IL16: variants seen among roughly 807,000 people sequenced by gnomAD.
The protein encoded by IL16 is pro-interleukin-16.
Under a neutral mutation model 110.1 loss-of-function variants are expected in IL16, and 67 were observed. That is an observed-to-expected ratio of 0.61 (90% confidence interval 0.50 to 0.75). IL16 has a LOEUF of 0.75. IL16 is among the 30% of genes least tolerant of loss of function. The probability of loss-of-function intolerance (pLI) is 0.00; values close to 1 mark genes in which losing one functional copy is unlikely to be tolerated. For missense variants in IL16, 1,545 were observed against 1,655.0 expected, an observed-to-expected ratio of 0.93 and a Z score of 1.15; for synonymous variants, 689 against 662.9, an observed-to-expected ratio of 1.04 and a Z score of -0.61.
chr15:81,297,734 T>C (rs935560323), intron 13 of IL16, among the ~76,000 whole-genome samples: 1 of 152,156 alleles, frequency 6.6e-6, no homozygotes, highest in Non-Finnish European at 1.5e-5. Context: ...ATATGATGCA[T>C]TCAGCAAGCA....
chr15:81,303,455 T>G lies in IL16; in HGVS notation c.3319-94T>G, dbSNP rs1596056662. The G allele has an allele frequency of 6.2e-5, 52 of 836,764 alleles. No homozygotes were observed. Among genetic ancestry groups the G allele is most frequent in the East Asian group, 7.6e-5 (3 of 39,518 alleles). The allele number at this position is 836,764 out of a possible 1,614,324, so 51.8% of individuals were successfully genotyped here. On this transcript the variant is annotated intron_variant, in intron 15 of 18. Coordinates refer to ENST00000683961, the MANE Select transcript of IL16 (RefSeq NM_172217.5). This position sits in a 1 kb window ranked among gnomAD's most constrained non-coding sequence, Gnocchi z 4.1. ...AACTTGGAGGCTGGCCAAGCTGGGGTTTGAGATAACAAATCAGTCTGATGT... is the reference window on the plus strand; with the variant it reads ...AACTTGGAGGCTGGCCAAGCTGGGGGTTGAGATAACAAATCAGTCTGATGT...
Position 81,265,721 on chromosome 15 carries a change from A to T in IL16, c.484A>T (p.Thr162Ser), listed in dbSNP as rs751791636. The change falls in exon 4 of 19, where the codon ACG becomes TCG. Residue 162 changes from threonine to serine, a missense_variant. Thr to Ser is a moderately conservative substitution (Grantham distance 58). Coordinates refer to ENST00000683961, the MANE Select transcript of IL16 (RefSeq NM_172217.5). ...FPMTKKSAAP[T>S]DRQPYSLCSN... is the part of the protein sequence containing the mutation. ...AATGACCAAGAAATCTGCAGCGCCCACGGACAGGCAGCCTTACTCTCTCTG... is the reference window on the plus strand; with the variant it reads ...AATGACCAAGAAATCTGCAGCGCCCTCGGACAGGCAGCCTTACTCTCTCTG... 6.2e-7 allele frequency: 1 copy of T among 1,613,832 alleles called. No individual in the cohort carries two copies. Among genetic ancestry groups the T allele is most frequent in the Non-Finnish European group, 8.5e-7 (1 of 1,179,816 alleles).
chr15:81,279,068 C>T lies in IL16; in HGVS notation c.864+178C>T, dbSNP rs563078806. 5.9e-5 allele frequency among the ~76,000 whole-genome samples: 9 copies of T among 152,150 alleles called. 1 individual carries two copies. The South Asian group carries it at 1.7e-3, about 28-fold the overall frequency. ...CTGACTCAGAAAATAATAGTGTGAT[C>T]GGGATTGTTGTGGGGGATTTTAAAA... On this transcript the variant is annotated intron_variant, in intron 7 of 18. Coordinates refer to ENST00000683961, the MANE Select transcript of IL16 (RefSeq NM_172217.5).
chr15:81,196,786 T>C (rs958971934), upstream of IL16: 4 of 1,063,358 alleles, frequency 3.8e-6, no homozygotes, highest in Middle Eastern at 4.2e-4. Flanking sequence ...TTCTCAGCAC[T>C]GGCAGCCCCC....
intron 9 of IL16, among the ~76,000 whole-genome samples, chr15:81,284,022 A>AAAAG (rs1555422375): frequency 6.8e-6 from 1 of 146,128 alleles, no homozygotes; most frequent in African/African-American, 2.6e-5. Context: ...AAAAAAAAAA[A>AAAAG]AGAGAGAGAG....
chr15:81,247,070 CTTTTCCT>C (rs1349976372), intron 2 of IL16, among the ~76,000 whole-genome samples: 44 of 107,580 alleles, frequency 4.1e-4, no homozygotes, highest in Non-Finnish European at 6.6e-4. Flanking sequence ...TCTTTCTTTT[CTTTTCCT>C]TTTTTTTTTT....
intron 6 of IL16, among the ~76,000 whole-genome samples, chr15:81,275,745 A>C (rs1160961928): frequency 6.6e-6 from 1 of 152,202 alleles, no homozygotes; most frequent in African/African-American, 2.4e-5. Context: ...TCTAGCCTCA[A>C]ACATTGACCA....
intron 9 of IL16, 130 bp from the exon 10 acceptor site, chr15:81,285,568 G>T: frequency 1.1e-6 from 1 of 935,252 alleles, no homozygotes. Flanking sequence ...GGTGGCTAGT[G>T]GGGTCTACTT....
At chr15:81,304,149 T>G (rs968390491) in intron 16 of IL16, among the ~76,000 whole-genome samples, 1 of 152,264 alleles carries the variant, frequency 6.6e-6, no homozygotes, top group Non-Finnish European at 1.5e-5. Context: ...GCAGTGGCAA[T>G]CTGGCATGTT....
intron 12 of IL16, among the ~76,000 whole-genome samples, chr15:81,295,809 A>T (rs531363553): frequency 6.6e-6 from 1 of 152,270 alleles, no homozygotes; most frequent in South Asian, 2.1e-4. Context: ...GTCAATGTAG[A>T]TCTTAAATTT....
At chr15:81,209,427 A>G (rs532188649) in intron 1 of IL16, among the ~76,000 whole-genome samples, 65 of 152,130 alleles carry the variant, frequency 4.3e-4, no homozygotes, top group African/African-American at 1.1e-3. Flanking sequence ...AATTTGCTGG[A>G]GGTGGCAGAA....
At chr15:81,284,052 T>C (rs1899326862) in intron 9 of IL16, among the ~76,000 whole-genome samples, 2 of 142,900 alleles carry the variant, frequency 1.4e-5, no homozygotes. Context: ...GTAAGAGAAA[T>C]ACAGGTTCTT....
At chr15:81,195,013 G>C (rs537149674), upstream of IL16, among the ~76,000 whole-genome samples, 185 of 152,210 alleles carry the variant, frequency 1.2e-3, no homozygotes, top group Non-Finnish European at 2.1e-3. Context: ...GTTGGGCAGG[G>C]TGGAGACTCT....
chr15:81,299,988 G>A lies in IL16; in HGVS notation c.2662G>A (p.Gly888Arg). 1 of 1,598,984 alleles carries A rather than the reference G, an allele frequency of 6.3e-7. No individual in the cohort carries two copies. Among genetic ancestry groups the A allele is most frequent in the Non-Finnish European group, 8.5e-7 (1 of 1,171,922 alleles). Residue 888 changes from glycine (G) to arginine (R), a missense_variant, in exon 14 of 19, where the codon GGG becomes AGG. This residue lies in a region of IL16 where 1,185 missense variants were observed against 1,238.8 expected (regional missense o/e 0.96). Transcript: ENST00000683961. The part of the protein sequence containing the change: ...HEEGRFSGLL[G>R]RGAAPTLVPQ... The stretch of plus-strand genomic sequence containing the variant: ...GGAAGGACGGTTTTCTGGACTCTTG[G>A]GGCGAGGGGCTGCACCCACTCTTGT...
At chr15:81,206,109 G>A (rs181509116) in intron 1 of IL16, among the ~76,000 whole-genome samples, 121 of 152,290 alleles carry the variant, frequency 7.9e-4, no homozygotes, top group South Asian at 1.0e-3. Context: ...TACATAAAGA[G>A]CTTGAATTCT....
At chr15:81,202,081 A>G (rs1895837367) in intron 1 of IL16, among the ~76,000 whole-genome samples, 1 of 152,208 alleles carries the variant, frequency 6.6e-6, no homozygotes, top group Admixed American at 6.5e-5. Context: ...TACTTTATAC[A>G]TTTTATCTGG....
Position 81,313,580 on chromosome 15 carries a change from G to A in IL16, c.*4782G>A. 2.1e-6 allele frequency: 1 copy of A among 477,584 alleles called. No individual in the cohort carries two copies. The highest frequency in any genetic ancestry group is 3.4e-6 in the Non-Finnish European group (1 of 292,270). 29.6% of individuals were successfully genotyped at this position (477,584 alleles called of 1,614,324 possible). On this transcript the variant is annotated 3_prime_UTR_variant, in exon 19 of 19. Transcript: ENST00000683961. ...CTCTGGACCTGCTGATTTTCAGGAT[G>A]GAAACCCATCCTGTCGGGGATGCAT...
Position 81,303,283 on chromosome 15 carries a change from C to A in IL16, c.3319-266C>A. ...TTCTGGCTGACTTCATGGCACTCCCCCTGCCCGGCTGTGGACAGGGTGAAT... is the reference window on the plus strand; with the variant it reads ...TTCTGGCTGACTTCATGGCACTCCCACTGCCCGGCTGTGGACAGGGTGAAT... On this transcript the variant is annotated intron_variant, in intron 15 of 18. Coordinates refer to ENST00000683961, the MANE Select transcript of IL16 (RefSeq NM_172217.5). This position sits in a 1 kb window ranked among gnomAD's most constrained non-coding sequence, Gnocchi z 4.1. 1 of 390,030 alleles carries A rather than the reference C, an allele frequency of 2.6e-6. No individual in the cohort carries two copies. Among genetic ancestry groups the A allele is most frequent in the Non-Finnish European group, 4.7e-6 (1 of 212,390 alleles). 24.2% of individuals were successfully genotyped at this position (390,030 alleles called of 1,614,324 possible). A position where few individuals can be genotyped will look rare whatever the true frequency, so the allele number is the denominator to read the frequency against.
chr15:81,193,803 C>A (rs1269652523), upstream of IL16, among the ~76,000 whole-genome samples: 1 of 152,064 alleles, frequency 6.6e-6, no homozygotes, highest in Non-Finnish European at 1.5e-5. Flanking sequence ...TGGGGACGTA[C>A]AATAAAATCA....
Sources: gnomAD v4.1 joint callset for allele counts (sites outside exome capture counted in the v4.1 genomes callset) on GRCh38, gnomAD v4.1.1 for gene constraint, gnomAD v4.1.1 regional missense constraint, Gnocchi (gnomAD v3.1) non-coding constraint, MANE v1.5 for transcripts, NCBI Gene and HGNC (gene_info 2026-07-23, HGNC 2026-07-21) for gene names.